ZNF506: variants seen among roughly 807,000 people sequenced by gnomAD.
The protein encoded by ZNF506 is zinc finger protein 506.
ZNF506 carries 10 observed loss-of-function variants against 11.6 expected under a neutral mutation model. The ratio of observed to expected loss-of-function variants is 0.86; its 90% CI spans 0.53 to 1.46. ZNF506 has a LOEUF of 1.46. ZNF506 is among the 40% of genes most tolerant of loss of function. The pLI is 0.00. For synonymous variants in ZNF506, 156 were observed against 173.3 expected (o/e 0.90, Z 0.78); for missense variants, 425 against 521.2 (o/e 0.82, Z 1.80).
At chr19:19,810,609 TAGAAGGAAGAGTTTAATGTATTATAG>T (rs2062876226) in intron 1 of ZNF506, among the ~76,000 whole-genome samples, 1 of 151,870 alleles carries the variant, frequency 6.6e-6, no homozygotes, top group African/African-American at 2.4e-5. Context: ...GGAAGAGATA[TAGAAGGAAGAGTTTAATGTATTATAG>T]AGATAATTTT....
chr19:19,816,269 T>C (rs990878883), intron 1 of ZNF506, among the ~76,000 whole-genome samples: 6 of 151,506 alleles, frequency 4.0e-5, no homozygotes, highest in African/African-American at 1.5e-4. Context: ...CTGCAACCGC[T>C]GCCTCCCAGG....
intron 1 of ZNF506, chr19:19,820,407 C>G (rs1201228204): frequency 6.6e-6 from 1 of 151,764 alleles, no homozygotes; most frequent in Non-Finnish European, 1.5e-5. Flanking sequence ...TAAAAACTAC[C>G]TAACTAGGCT....
chr19:19,812,465 T>C (rs1468922482), intron 1 of ZNF506, among the ~76,000 whole-genome samples: 3 of 152,200 alleles, frequency 2.0e-5, no homozygotes, highest in Non-Finnish European at 2.9e-5. Flanking sequence ...ATTTTACAGG[T>C]GAATATAGTT....
intron 1 of ZNF506, among the ~76,000 whole-genome samples, chr19:19,808,856 A>AAG (rs2062861144): frequency 6.6e-6 from 1 of 151,702 alleles, no homozygotes; most frequent in African/African-American, 2.4e-5. Flanking sequence ...AAAAAAAAAA[A>AAG]AAAAAAAGAA....
At chr19:19,806,258 A>AT (rs2062835305) in intron 2 of ZNF506, 132 bp from the exon 3 acceptor site, 13 of 631,792 alleles carry the variant, frequency 2.1e-5, no homozygotes, top group South Asian at 3.9e-5. Flanking sequence ...TATAACAGAA[A>AT]TTTTTTTTCT....
chr19:19,814,796 A>C (rs1031254944), intron 1 of ZNF506, among the ~76,000 whole-genome samples: 1 of 152,066 alleles, frequency 6.6e-6, no homozygotes, highest in Non-Finnish European at 1.5e-5. Flanking sequence ...GCTGTACTCT[A>C]TTTATTTCCG....
chr19:19,805,565 A>C (rs1171000671), intron 3 of ZNF506, among the ~76,000 whole-genome samples: 1 of 152,224 alleles, frequency 6.6e-6, no homozygotes, highest in Non-Finnish European at 1.5e-5. Flanking sequence ...CAAACTATAC[A>C]TTTCAAGACT....
chr19:19,820,336 T>C (rs1456878698), intron 1 of ZNF506: 1 of 152,206 alleles, frequency 6.6e-6, no homozygotes. Flanking sequence ...TAAGCAACTA[T>C]AAACTGCCAA....
intron 3 of ZNF506, chr19:19,796,428 G>C (rs541000814): frequency 6.6e-6 from 1 of 151,606 alleles, no homozygotes; most frequent in South Asian, 2.1e-4. Flanking sequence ...TTTTGAGGTA[G>C]AGTCTCGCTC....
rs571417923 is a variant in ZNF506, at chr19:19,793,173, A to G, written c.*1379T>C. ...TCAATGAAATTACAATGCTTCAGAAAATCTCCCTTTTAAAGTTATATACAA... is the reference window on the plus strand; with the variant it reads ...TCAATGAAATTACAATGCTTCAGAAGATCTCCCTTTTAAAGTTATATACAA... On this transcript the variant is annotated 3_prime_UTR_variant, in exon 4 of 4. Coordinates refer to ENST00000540806, the MANE Select transcript of ZNF506 (RefSeq NM_001099269.3). 2.6e-4 allele frequency among the ~76,000 whole-genome samples: 39 copies of G among 152,262 alleles called. No homozygotes were observed. Among genetic ancestry groups the G allele is most frequent in the African/African-American group, 9.4e-4 (39 of 41,568 alleles).
In ZNF506 at chr19:19,793,088, A is replaced by G. The variant is rs538083589; in HGVS notation, c.*1464T>C. On this transcript the variant is annotated 3_prime_UTR_variant, in exon 4 of 4. Transcript: ENST00000540806. The stretch of plus-strand genomic sequence containing the variant: ...TAAAATAACAGCGTAAAGAAATTTG[A>G]AAGTTGTATTACATCATTATTCACT... 1.3e-5 allele frequency among the ~76,000 whole-genome samples: 2 copies of G among 152,192 alleles called. No individual in the cohort carries two copies. The highest frequency in any genetic ancestry group is 2.4e-5 in the African/African-American group (1 of 41,448).
At chr19:19,798,251 A>G (rs2062759192) in intron 3 of ZNF506, 2 of 152,210 alleles carry the variant, frequency 1.3e-5, no homozygotes, top group Admixed American at 1.3e-4. Flanking sequence ...GGTAGATGTA[A>G]TAATGAGGAA....
intron 3 of ZNF506, chr19:19,798,671 A>AG (rs1371835427): frequency 6.7e-6 from 1 of 149,646 alleles, no homozygotes; most frequent in East Asian, 1.9e-4. Flanking sequence ...AAAAAAAAAA[A>AG]AAAAAGAAAA....
At chr19:19,795,865 G>C (rs966572219) in intron 3 of ZNF506, 15 of 540,904 alleles carry the variant, frequency 2.8e-5, no homozygotes, top group African/African-American at 2.2e-4. Context: ...AATTAGTTAA[G>C]TGTGTAAAGG....
Position 19,794,989 on chromosome 19 carries a change from G to C in ZNF506, c.898C>G (p.Leu300Val), listed in dbSNP as rs779085245. The part of the protein sequence containing the change: ...CGKAFISSST[L>V]TKHEIIHTGE... Reference sequence around the variant, plus strand: ...GTATGAATTATCTCATGTTTAGTAAGGGTTGAGGATGAAATAAAGGCTTTG... The same window carrying C: ...GTATGAATTATCTCATGTTTAGTAACGGTTGAGGATGAAATAAAGGCTTTG... Residue 300 changes from leucine (L) to valine (V), a missense_variant, in exon 4 of 4, where the codon CTT becomes GTT. This residue lies in a region of ZNF506 where 192 missense variants were observed against 215.7 expected (regional missense o/e 0.89). Transcript: ENST00000540806. The C allele has an allele frequency of 2.9e-5, 47 of 1,613,684 alleles. No individual in the cohort carries two copies. Among genetic ancestry groups the C allele is most frequent in the Non-Finnish European group, 4.0e-5 (47 of 1,179,986 alleles).
intron 1 of ZNF506, among the ~76,000 whole-genome samples, chr19:19,816,810 CTTTTTTTTTTTT>C (rs34297481): frequency 3.7e-5 from 3 of 80,246 alleles, no homozygotes; most frequent in Non-Finnish European, 6.8e-5. Flanking sequence ...AAAATATTTC[CTTTTTTTTTTTT>C]TTTTTTTTTT....
intron 3 of ZNF506, among the ~76,000 whole-genome samples, chr19:19,803,681 ATC>A (rs2062812827): frequency 6.6e-6 from 1 of 151,906 alleles, no homozygotes; most frequent in Non-Finnish European, 1.5e-5. Flanking sequence ...AGGGAATCTC[ATC>A]ACACTAAGGG....
rs34663133 is a variant in ZNF506 at position 19,802,204 on chromosome 19, C to CAAA, written c.226+3824_226+3826dup. Among the ~76,000 whole-genome samples, 696 of 97,520 alleles carry CAAA rather than the reference C, an allele frequency of 7.1e-3. 3 individuals carry two copies. The highest frequency in any genetic ancestry group is 0.023 in the African/African-American group (649 of 28,592). The allele number at this position is 97,520 out of a possible 152,430, so 64.0% of individuals were successfully genotyped here. A position where few individuals can be genotyped will look rare whatever the true frequency, so the allele number is the denominator to read the frequency against. ...TGGGTGACAGAGAGTGACTCTATCT[C>CAAA]AAAAAAAAAAAAAAAAAAAATTGTC... On this transcript the variant is annotated intron_variant, in intron 3 of 3. Transcript: ENST00000540806.
chr19:19,806,036 G>C lies in ZNF506; in HGVS notation c.221C>G (p.Pro74Arg), dbSNP rs2062833268. 3 of 1,605,588 alleles carry C rather than the reference G, an allele frequency of 1.9e-6. No homozygotes were observed. In the African/African-American group the frequency reaches 4.0e-5, roughly 22 times the overall value. The change falls in exon 3 of 4, where the codon CCC (proline) becomes CGC (arginine). Residue 74 changes from proline to arginine, a missense_variant. Pro to Arg is a moderately radical substitution (Grantham distance 103, BLOSUM62 -2). Around this residue, in one of 3 missense-constraint regions of ZNF506, gnomAD observed 226 missense variants for 279.1 expected, o/e 0.81. Transcript: ENST00000540806. ...TMKRHEMIAK[P>R]PVMYSHFAQD... Reference sequence around the variant, plus strand: ...TCATTTTCACTCGCACCTACCTGGGGGTTTGGCAATCATCTCATGCCTCTT... The same window carrying C: ...TCATTTTCACTCGCACCTACCTGGGCGTTTGGCAATCATCTCATGCCTCTT...
Sources: allele counts gnomAD v4.1 joint callset (sites outside exome capture counted in the v4.1 genomes callset), GRCh38; gene constraint gnomAD v4.1.1; regional missense constraint gnomAD v4.1.1; transcripts MANE v1.5; gene names NCBI Gene and HGNC (gene_info 2026-07-23, HGNC 2026-07-21).